DOCK2: variants seen among roughly 807,000 people sequenced by gnomAD.
The protein encoded by DOCK2 is dedicator of cytokinesis protein 2.
In DOCK2, 87 loss-of-function variants were observed where a neutral mutation model predicts 248.9. The observed-to-expected ratio is 0.35, with a 90% CI of 0.29 to 0.42. DOCK2 has a LOEUF of 0.42. Ranked by LOEUF, DOCK2 falls within the 10% of genes least tolerant of loss-of-function variation. The pLI, the probability that DOCK2 is intolerant of heterozygous loss-of-function variation, is 1.00. For synonymous variants in DOCK2, 805 were observed against 821.6 expected, an observed-to-expected ratio of 0.98 and a Z score of 0.35; for missense variants, 1,747 against 2,300.2, an observed-to-expected ratio of 0.76 and a Z score of 4.92.
chr5:170,008,657 T>C (rs1191885731), intron 31 of DOCK2, 31 bp from the exon 32 acceptor site: 2 of 1,614,058 alleles, frequency 1.2e-6, no homozygotes, highest in African/African-American at 2.7e-5. Context: ...TCTGAGATGG[T>C]GCCTGAAGCA....
At chr5:169,820,587 A>G (rs1232723898) in intron 26 of DOCK2, among the ~76,000 whole-genome samples, 1 of 152,360 alleles carries the variant, frequency 6.6e-6, no homozygotes, top group African/African-American at 2.4e-5. Context: ...ACTAACAAAC[A>G]GAATGGACAT....
intron 27 of DOCK2, among the ~76,000 whole-genome samples, chr5:169,955,794 A>G (rs1422692): frequency 0.04 from 6,111 of 152,222 alleles, 315 homozygotes; most frequent in East Asian, 0.21. Flanking sequence ...TTAGCAAAGT[A>G]CCAACACAGT....
intron 27 of DOCK2, among the ~76,000 whole-genome samples, chr5:169,911,539 G>A (rs908840036): frequency 3.3e-5 from 5 of 152,184 alleles, no homozygotes; most frequent in African/African-American, 1.2e-4. Context: ...TCCTGAGACA[G>A]TTTGAGATAA....
At chr5:169,765,070 G>GCGCACACACACACA (rs1554098290) in intron 25 of DOCK2, among the ~76,000 whole-genome samples, 1 of 146,500 alleles carries the variant, frequency 6.8e-6, no homozygotes, top group Non-Finnish European at 1.5e-5. Flanking sequence ...CTCTTTTAGC[G>GCGCACACACACACA]CACACACACA....
chr5:169,700,530 CT>C (rs72511281), intron 13 of DOCK2, among the ~76,000 whole-genome samples: 57,893 of 147,294 alleles, frequency 0.39, 14,346 homozygotes, highest in African/African-American at 0.69. Context: ...TATTTTTAAG[CT>C]TTTTTTTTTT....
chr5:169,899,383 G>T (rs1173252796), intron 27 of DOCK2, among the ~76,000 whole-genome samples: 1 of 152,150 alleles, frequency 6.6e-6, no homozygotes, highest in Admixed American at 6.6e-5. Flanking sequence ...CCAAGAATCA[G>T]GTTCAATGAG....
intron 21 of DOCK2, among the ~76,000 whole-genome samples, 170 bp from the exon 22 acceptor site, chr5:169,718,487 C>T (rs1450126526): frequency 6.6e-6 from 1 of 151,840 alleles, no homozygotes; most frequent in Non-Finnish European, 1.5e-5. Context: ...TTATTAATTC[C>T]CTGTAATAAA....
Position 169,861,918 on chromosome 5 carries a change from TTTTTC to T in DOCK2, c.2799+21086_2799+21090del, listed in dbSNP as rs542728501. On this transcript the variant is annotated intron_variant, in intron 27 of 51. Coordinates refer to ENST00000520908, the MANE Select transcript of DOCK2 (RefSeq NM_004946.3). ...TAGAAATGTCAACATTTTATTTATTTTTTTCTTTTCTTTTCTTTTCTTTTTTTTTT... is the reference window on the plus strand; with the variant it reads ...TAGAAATGTCAACATTTTATTTATTTTTTTCTTTTCTTTTCTTTTTTTTTT... Among the ~76,000 whole-genome samples, 359 of 148,844 alleles carry T rather than the reference TTTTTC, an allele frequency of 2.4e-3. 3 individuals carry two copies. Among genetic ancestry groups the T allele is most frequent in the African/African-American group, 8.3e-3 (342 of 41,184 alleles).
At chr5:169,918,809 A>G (rs1239974040) in intron 27 of DOCK2, among the ~76,000 whole-genome samples, 3 of 152,182 alleles carry the variant, frequency 2.0e-5, no homozygotes, top group Non-Finnish European at 2.9e-5. Flanking sequence ...GCTACTCGGG[A>G]GGCTGAGGCA....
chr5:169,873,733 G>T (rs567915733), intron 27 of DOCK2, among the ~76,000 whole-genome samples: 4 of 152,322 alleles, frequency 2.6e-5, no homozygotes, highest in Admixed American at 2.6e-4. Flanking sequence ...TCTCTGGTTA[G>T]GTAATAGCTT....
intron 19 of DOCK2, among the ~76,000 whole-genome samples, chr5:169,715,668 C>G (rs1468601160): frequency 6.6e-6 from 1 of 150,794 alleles, no homozygotes; most frequent in Non-Finnish European, 1.5e-5. Context: ...GAGCAGTTAT[C>G]TTAAGAGTAT....
At chr5:169,684,631 T>C (rs979495189) in intron 8 of DOCK2, among the ~76,000 whole-genome samples, 3 of 152,206 alleles carry the variant, frequency 2.0e-5, no homozygotes, top group Admixed American at 6.5e-5. Context: ...ACAAGTAGCA[T>C]TGGCTAGAAT....
intron 35 of DOCK2, among the ~76,000 whole-genome samples, chr5:170,035,113 A>T (rs894454454): frequency 4.6e-5 from 7 of 152,228 alleles, no homozygotes; most frequent in African/African-American, 1.7e-4. Flanking sequence ...AGCTAACCCC[A>T]GACCCAAGTT....
intron 27 of DOCK2, among the ~76,000 whole-genome samples, chr5:169,959,314 A>T (rs1279455778): frequency 6.6e-6 from 1 of 151,720 alleles, no homozygotes; most frequent in Non-Finnish European, 1.5e-5. Context: ...AATCGCTTGA[A>T]CCTGAGATCA....
chr5:169,966,037 G>A (rs556670325), intron 27 of DOCK2, among the ~76,000 whole-genome samples: 15 of 152,296 alleles, frequency 9.8e-5, no homozygotes, highest in African/African-American at 3.1e-4. Flanking sequence ...ACTGCCTTCC[G>A]AAGAGCAGGA....
At position 169,865,651 on chromosome 5, in the gene DOCK2, G is replaced by A. The variant is rs543169991; in HGVS notation, c.2799+24799G>A. Among the ~76,000 whole-genome samples, 3 of 152,296 alleles carry A rather than the reference G, an allele frequency of 2.0e-5. No individual in the cohort carries two copies. In the South Asian group the frequency reaches 6.2e-4, roughly 32 times the overall value. Reference sequence around the variant, plus strand: ...GTTTGTTACCTGGTTTCATACCAGGGGTCTCAGAAGGCCCAAGGATGAGGA... The same window carrying A: ...GTTTGTTACCTGGTTTCATACCAGGAGTCTCAGAAGGCCCAAGGATGAGGA... On this transcript the variant is annotated intron_variant, in intron 27 of 51. Coordinates refer to ENST00000520908, the MANE Select transcript of DOCK2 (RefSeq NM_004946.3).
Position 169,699,420 on chromosome 5 carries a change from G to C in DOCK2, c.1094G>C (p.Gly365Ala), listed in dbSNP as rs754101483. The C allele has an allele frequency of 4.3e-6, 7 of 1,613,364 alleles. No homozygotes were observed. The South Asian group carries it at 7.7e-5, about 18-fold the overall frequency. The change falls in exon 12 of 52, where the codon GGC (glycine) becomes GCC (alanine). Residue 365 changes from glycine (G) to alanine (A), a missense_variant. Gly to Ala is a moderately conservative substitution (Grantham distance 60). This residue lies in a region of DOCK2 where 375 missense variants were observed against 510.9 expected (regional missense o/e 0.73). Transcript: ENST00000520908. ...AATGACTTCCTACACAGCCTGCTGGGCAAAGTCATAGCCTCCAAGGGGGAC... is the reference window on the plus strand; with the variant it reads ...AATGACTTCCTACACAGCCTGCTGGCCAAAGTCATAGCCTCCAAGGGGGAC... Reference protein sequence around the residue: ...AENDFLHSLLGKVIASKGDSG... With the variant: ...AENDFLHSLLAKVIASKGDSG...
chr5:170,013,386 G>T (rs894190900), intron 32 of DOCK2, among the ~76,000 whole-genome samples: 1 of 151,960 alleles, frequency 6.6e-6, no homozygotes, highest in African/African-American at 2.4e-5. Flanking sequence ...AGACTTTAAG[G>T]TGTGATAAAG....
chr5:169,694,900 G>A (rs1760524556), intron 9 of DOCK2, among the ~76,000 whole-genome samples: 1 of 152,098 alleles, frequency 6.6e-6, no homozygotes, highest in African/African-American at 2.4e-5. Context: ...ATTTGAGCCT[G>A]GGAGACTGAG....
Sources: gnomAD v4.1 joint callset for allele counts (sites outside exome capture counted in the v4.1 genomes callset) on GRCh38, gnomAD v4.1.1 for gene constraint, gnomAD v4.1.1 regional missense constraint, MANE v1.5 for transcripts, NCBI Gene and HGNC (gene_info 2026-07-23, HGNC 2026-07-21) for gene names.